Variants in RSU1 observed in about 807,000 individuals in gnomAD.
RSU1 encodes rsu-1.
RSU1 carries 26 observed loss-of-function variants against 31.1 expected under a neutral mutation model. The observed-to-expected ratio is 0.84, with a 90% CI of 0.61 to 1.16. RSU1 has a LOEUF of 1.16. Ranked by LOEUF, RSU1 falls within the 50% of genes most tolerant of loss-of-function variation. RSU1 has a pLI of 0.00. For synonymous variants in RSU1, 164 were observed against 136.3 expected (o/e 1.20, Z -1.41); for missense variants, 320 against 339.1 (o/e 0.94, Z 0.44).
chr10:16,734,316 C>T (rs181158193), intron 7 of RSU1, among the ~76,000 whole-genome samples: 1 of 152,332 alleles, frequency 6.6e-6, no homozygotes, highest in African/African-American at 2.4e-5. Flanking sequence ...TAACTTCCTG[C>T]ACTAGGCATT....
At chr10:16,712,071 AATC>A (rs1249184448) in intron 7 of RSU1, among the ~76,000 whole-genome samples, 2 of 152,158 alleles carry the variant, frequency 1.3e-5, no homozygotes, top group Admixed American at 1.3e-4. Context: ...TTTATCCTTT[AATC>A]ATGACATAAT....
intron 8 of RSU1, among the ~76,000 whole-genome samples, chr10:16,622,397 A>G (rs1834085245): frequency 6.6e-6 from 1 of 152,242 alleles, no homozygotes; most frequent in Admixed American, 6.5e-5. Context: ...TGCATTAGGG[A>G]AGCGTTCTAA....
intron 7 of RSU1, among the ~76,000 whole-genome samples, chr10:16,735,388 C>T (rs553452875): frequency 1.4e-4 from 21 of 152,266 alleles, no homozygotes; most frequent in East Asian, 3.9e-4. Context: ...TAACCTCTGG[C>T]GGTTGTGTAA....
chr10:16,717,283 A>G (rs1408140034), intron 7 of RSU1, among the ~76,000 whole-genome samples: 1 of 152,204 alleles, frequency 6.6e-6, no homozygotes, highest in Admixed American at 6.5e-5. Flanking sequence ...TATGTCATAT[A>G]AAATATGTAC....
intron 2 of RSU1, among the ~76,000 whole-genome samples, chr10:16,782,719 T>C (rs913153596): frequency 2.0e-5 from 3 of 152,172 alleles, no homozygotes; most frequent in African/African-American, 7.2e-5. Context: ...GGTGGTTTAA[T>C]CTGCTCAGTA....
chr10:16,725,629 T>C (rs1836378103), intron 7 of RSU1, among the ~76,000 whole-genome samples: 1 of 151,776 alleles, frequency 6.6e-6, no homozygotes, highest in African/African-American at 2.4e-5. Context: ...TTCTGCCTTC[T>C]GTCATGGGAG....
chr10:16,773,871 A>G lies in RSU1; in HGVS notation c.160+8163T>C, dbSNP rs1837474396. 3.3e-5 allele frequency among the ~76,000 whole-genome samples: 5 copies of G among 150,704 alleles called. No homozygotes were observed. In the South Asian group the frequency reaches 1.1e-3, roughly 32 times the overall value. ...AGCCAAATTCAGAGAAAGGGGTAGG[A>G]ACATCAGTTTTTTTAAAAAAATCAG... On this transcript the variant is annotated intron_variant, in intron 3 of 8. Transcript: ENST00000345264.
intron 8 of RSU1, among the ~76,000 whole-genome samples, chr10:16,677,931 A>G (rs918951486): frequency 2.1e-5 from 3 of 143,874 alleles, no homozygotes; most frequent in Admixed American, 7.2e-5. Context: ...ATAATCCCAC[A>G]TAAACAGTCT....
At chr10:16,770,104 T>C (rs1837393039) in intron 3 of RSU1, among the ~76,000 whole-genome samples, 1 of 151,998 alleles carries the variant, frequency 6.6e-6, no homozygotes, top group African/African-American at 2.4e-5. Context: ...GGCAGGATGC[T>C]GGGTGGTAGT....
In RSU1 at chr10:16,695,170, A is replaced by T. The variant is rs45577238; in HGVS notation, c.599-15T>A. On this transcript the variant is annotated splice_polypyrimidine_tract_variant and intron_variant, in intron 7 of 8. Coordinates refer to ENST00000345264, the MANE Select transcript of RSU1 (RefSeq NM_012425.4). ...ATCCAAGTTTCCTGGGGGGGGGGAA[A>T]AAAAAAGTGAAGGTCACTTCATCCA... The T allele has an allele frequency of 2.2e-6, 3 of 1,370,160 alleles. No individual in the cohort carries two copies. Among genetic ancestry groups the T allele is most frequent in the Admixed American group, 3.7e-5 (2 of 53,424 alleles). 84.9% of individuals were successfully genotyped at this position (1,370,160 alleles called of 1,614,324 possible).
At chr10:16,717,898 C>T (rs946174623) in intron 7 of RSU1, among the ~76,000 whole-genome samples, 44 of 151,536 alleles carry the variant, frequency 2.9e-4, no homozygotes, top group Middle Eastern at 3.4e-3. Flanking sequence ...ATTTTGGACG[C>T]GGGTGAGGAT....
At chr10:16,737,506 A>C (rs1005427837) in intron 7 of RSU1, among the ~76,000 whole-genome samples, 1 of 152,032 alleles carries the variant, frequency 6.6e-6, no homozygotes, top group Admixed American at 6.5e-5. Context: ...TCCTGAAAAA[A>C]AATTCCTCCA....
chr10:16,791,925 A>G (rs117576437), intron 2 of RSU1, among the ~76,000 whole-genome samples: 10 of 152,312 alleles, frequency 6.6e-5, no homozygotes, highest in South Asian at 2.1e-4. Context: ...GAAGCAAATG[A>G]TTCCTTTAGT....
At chr10:16,731,653 T>A (rs1836514243) in intron 7 of RSU1, among the ~76,000 whole-genome samples, 1 of 152,180 alleles carries the variant, frequency 6.6e-6, no homozygotes, top group Non-Finnish European at 1.5e-5. Context: ...AAACCTTTAC[T>A]ATCACTTTGC....
intron 7 of RSU1, among the ~76,000 whole-genome samples, chr10:16,741,853 A>G (rs1005593862): frequency 1.3e-5 from 2 of 152,222 alleles, no homozygotes; most frequent in African/African-American, 4.8e-5. Context: ...GTCTTGGGGA[A>G]GCTTACATTC....
chr10:16,703,190 G>A (rs189230373), intron 7 of RSU1, among the ~76,000 whole-genome samples: 58 of 152,132 alleles, frequency 3.8e-4, no homozygotes, highest in African/African-American at 1.3e-3. Context: ...CTTCCTATAC[G>A]CCATGCAGAA....
intron 2 of RSU1, among the ~76,000 whole-genome samples, chr10:16,798,234 A>G (rs1838081670): frequency 6.6e-6 from 1 of 152,168 alleles, no homozygotes; most frequent in East Asian, 1.9e-4. Context: ...AAATCAACAT[A>G]CAGACCCCAG....
chr10:16,745,540 C>T (rs1588508370), intron 7 of RSU1, among the ~76,000 whole-genome samples: 1 of 152,062 alleles, frequency 6.6e-6, no homozygotes, highest in African/African-American at 2.4e-5. Flanking sequence ...ATGGCAGGAG[C>T]CACAAGAGAG....
intron 8 of RSU1, among the ~76,000 whole-genome samples, chr10:16,660,632 A>C (rs955778221): frequency 1.7e-5 from 2 of 119,592 alleles, no homozygotes; most frequent in Non-Finnish European, 3.5e-5. Flanking sequence ...CAGTTCATTT[A>C]TTCTTGAACT....
Sources: allele counts gnomAD v4.1 joint callset (sites outside exome capture counted in the v4.1 genomes callset), GRCh38; gene constraint gnomAD v4.1.1; transcripts MANE v1.5; gene names NCBI Gene and HGNC (gene_info 2026-07-23, HGNC 2026-07-21).